The following ADARB2 variants were observed in gnomAD, a reference collection of about 807,000 sequenced individuals.
ADARB2 encodes adenosine deaminase RNA specific B2 (inactive).
A neutral mutation model predicts 62.2 loss-of-function variants in ADARB2; 25 were observed. The ratio of observed to expected loss-of-function variants is 0.40; its 90% confidence interval spans 0.29 to 0.56. The LOEUF (loss-of-function observed/expected upper bound fraction) is 0.56, where lower values mean the gene tolerates loss of function less well. Ranked by LOEUF, ADARB2 falls within the 20% of genes least tolerant of loss-of-function variation. The pLI is 0.43. For synonymous variants in ADARB2, 572 were observed against 500.8 expected, an observed-to-expected ratio of 1.14 and a Z score of -1.90; for missense variants, 1,071 against 1,077.4, an observed-to-expected ratio of 0.99 and a Z score of 0.08.
chr10:1,568,903 G>C (rs1452682292), intron 1 of ADARB2, among the ~76,000 whole-genome samples: 2 of 152,120 alleles, frequency 1.3e-5, no homozygotes, highest in Non-Finnish European at 2.9e-5. Flanking sequence ...AGCCTCTGTG[G>C]CTAGTTCAGT....
chr10:1,458,930 A>G (rs1359411926), intron 1 of ADARB2, among the ~76,000 whole-genome samples: 3 of 152,260 alleles, frequency 2.0e-5, no homozygotes, highest in East Asian at 1.9e-4. Context: ...GGCAACAATC[A>G]TATGAAAAAA....
At chr10:1,423,941 C>T (rs1018276028) in intron 1 of ADARB2, among the ~76,000 whole-genome samples, 3 of 152,136 alleles carry the variant, frequency 2.0e-5, no homozygotes, top group African/African-American at 7.2e-5. Context: ...ACCATGTATG[C>T]AGTAGATCCA....
chr10:1,347,739 G>A (rs1450595948), intron 3 of ADARB2, among the ~76,000 whole-genome samples: 2 of 152,156 alleles, frequency 1.3e-5, no homozygotes, highest in South Asian at 2.1e-4. Context: ...CACAGGTAAC[G>A]CCCTCCTCTG....
At chr10:1,465,410 C>T (rs1276740920) in intron 1 of ADARB2, among the ~76,000 whole-genome samples, 2 of 152,244 alleles carry the variant, frequency 1.3e-5, no homozygotes. Context: ...GCAGCCAGGG[C>T]TTCTCTTAGT....
At chr10:1,215,129 C>A (rs1249412745) in intron 7 of ADARB2, among the ~76,000 whole-genome samples, 1 of 152,156 alleles carries the variant, frequency 6.6e-6, no homozygotes, top group Non-Finnish European at 1.5e-5. Context: ...GATGTCACCC[C>A]CCTGACCTCC....
At chr10:1,377,317 C>T (rs900619430) in intron 2 of ADARB2, among the ~76,000 whole-genome samples, 6 of 125,032 alleles carry the variant, frequency 4.8e-5, no homozygotes, top group African/African-American at 1.9e-4. Context: ...TGTGTGCACA[C>T]ATGCACATGC....
intron 1 of ADARB2, among the ~76,000 whole-genome samples, chr10:1,638,212 A>G (rs1362260542): frequency 2.6e-5 from 4 of 152,226 alleles, no homozygotes; most frequent in African/African-American, 4.8e-5. Flanking sequence ...CAGATATTAC[A>G]CTTCAATATA....
intron 1 of ADARB2, among the ~76,000 whole-genome samples, chr10:1,511,752 G>A (rs1831939124): frequency 6.6e-6 from 1 of 151,084 alleles, no homozygotes; most frequent in Non-Finnish European, 1.5e-5. Flanking sequence ...ACCAAGACAT[G>A]GATGCTGTCT....
chr10:1,286,443 C>T (rs928443147), intron 3 of ADARB2, among the ~76,000 whole-genome samples: 5 of 152,118 alleles, frequency 3.3e-5, no homozygotes, highest in Admixed American at 6.5e-5. Flanking sequence ...TGGTAAAAAC[C>T]GATGTCCAAC....
rs1831412399 is a variant in ADARB2, at chr10:1,477,116, C to T, written c.101-97956G>A. Among the ~76,000 whole-genome samples, 1 of 152,186 alleles carries T rather than the reference C, an allele frequency of 6.6e-6. No individual in the cohort carries two copies. The highest frequency in any genetic ancestry group is 2.4e-5 in the African/African-American group (1 of 41,440). On this transcript the variant is annotated intron_variant, in intron 1 of 9. Transcript: ENST00000381312. This position sits in a 1 kb window ranked among gnomAD's most constrained non-coding sequence, Gnocchi z 4.5. The stretch of plus-strand genomic sequence containing the variant: ...CCTCCCACTGCGCAGCACTGCCTCT[C>T]ACTCATGGCTGTGAAACTTGGGTTG...
Position 1,629,372 on chromosome 10 carries a change from G to T in ADARB2, c.100+107679C>A, listed in dbSNP as rs1247272180. Among the ~76,000 whole-genome samples, 5 of 152,162 alleles carry T rather than the reference G, an allele frequency of 3.3e-5. No homozygotes were observed. The East Asian group carries it at 7.8e-4, about 24-fold the overall frequency. On this transcript the variant is annotated intron_variant, in intron 1 of 9. Transcript: ENST00000381312. ...TGGGATTGGTGGAGACCTCCTCATCGTGATGGTCAGGACTTCACAGTGACA... is the reference window on the plus strand; with the variant it reads ...TGGGATTGGTGGAGACCTCCTCATCTTGATGGTCAGGACTTCACAGTGACA...
chr10:1,396,657 C>T, intron 1 of ADARB2, among the ~76,000 whole-genome samples: 1 of 149,812 alleles, frequency 6.7e-6, no homozygotes, highest in South Asian at 2.1e-4. Flanking sequence ...CTGTCCTCCT[C>T]TCCCCTCCCG....
chr10:1,335,878 G>T lies in ADARB2; in HGVS notation c.1077+27150C>A, dbSNP rs369156190. ...AGAGAGATGCCTGCGTTACAGACCC[G>T]CTGCAATCCCCGTGTCTTCACACTG... On this transcript the variant is annotated intron_variant, in intron 3 of 9. Transcript: ENST00000381312. 7.2e-4 allele frequency among the ~76,000 whole-genome samples: 109 copies of T among 152,264 alleles called. 1 individual carries two copies. The South Asian group carries it at 0.021, about 30-fold the overall frequency.
At position 1,449,095 on chromosome 10, in the gene ADARB2, C is replaced by A. The variant is rs146239448; in HGVS notation, c.101-69935G>T. On this transcript the variant is annotated intron_variant, in intron 1 of 9. Transcript: ENST00000381312. ...GTTGCGGTCACTGGTGGTCCTGCCT[C>A]CATCCTCGGTCTTTCCATGAGTCTG... Among the ~76,000 whole-genome samples, 1,356 of 152,308 alleles carry A rather than the reference C, an allele frequency of 8.9e-3. 24 individuals are homozygous for A. Among genetic ancestry groups the A allele is most frequent in the African/African-American group, 0.031 (1,286 of 41,558 alleles).
At chr10:1,630,060 G>A (rs565018435) in intron 1 of ADARB2, among the ~76,000 whole-genome samples, 107 of 152,262 alleles carry the variant, frequency 7.0e-4, no homozygotes, top group African/African-American at 2.3e-3. Flanking sequence ...GGAGCCTCTA[G>A]CCTTGCTTGC....
Position 1,508,954 on chromosome 10 carries a change from C to T in ADARB2, c.101-129794G>A, listed in dbSNP as rs1831886025. Among the ~76,000 whole-genome samples the T allele has an allele frequency of 6.6e-5, 10 of 152,268 alleles. No homozygotes were observed. In the South Asian group the frequency reaches 2.1e-3, roughly 32 times the overall value. On this transcript the variant is annotated intron_variant, in intron 1 of 9. Transcript: ENST00000381312. Reference sequence around the variant, plus strand: ...GGCTTCAGGTGAGAAGTCGTCTGGCCCAGCGGTCCCTGGGCCTCAGCATGA... The same window carrying T: ...GGCTTCAGGTGAGAAGTCGTCTGGCTCAGCGGTCCCTGGGCCTCAGCATGA...
chr10:1,224,807 A>AAAAG (rs2131761961), intron 6 of ADARB2, among the ~76,000 whole-genome samples: 1 of 152,242 alleles, frequency 6.6e-6, no homozygotes, highest in Admixed American at 6.5e-5. Context: ...CGGTTCTTTT[A>AAAAG]CATTTGCTGA....
chr10:1,666,500 G>T (rs1206066371), intron 1 of ADARB2, among the ~76,000 whole-genome samples: 3 of 152,232 alleles, frequency 2.0e-5, no homozygotes, highest in Admixed American at 2.0e-4. Context: ...GCTGCCCGAG[G>T]ATTTTTGTCA....
At chr10:1,578,389 C>A (rs540883883) in intron 1 of ADARB2, among the ~76,000 whole-genome samples, 21 of 152,256 alleles carry the variant, frequency 1.4e-4, no homozygotes, top group Admixed American at 1.4e-3. Flanking sequence ...ATATAAACAA[C>A]TTAGTTTCAT....
Sources: allele counts gnomAD v4.1 joint callset (sites outside exome capture counted in the v4.1 genomes callset), GRCh38; gene constraint gnomAD v4.1.1; non-coding constraint Gnocchi (gnomAD v3.1); transcripts MANE v1.5; gene names NCBI Gene and HGNC (gene_info 2026-07-23, HGNC 2026-07-21).